The following SV2C variants were observed in gnomAD, a reference collection of about 807,000 sequenced individuals.
The protein encoded by SV2C is solute carrier family 22 member B3.
A neutral mutation model predicts 79.7 loss-of-function variants in SV2C; 49 were observed. That is an observed-to-expected ratio of 0.61 (90% CI 0.49 to 0.78). SV2C has a LOEUF of 0.78. Ranked by LOEUF, SV2C falls within the 30% of genes least tolerant of loss-of-function variation. The probability of loss-of-function intolerance (pLI) is 0.00; values close to 1 mark genes in which losing one functional copy is unlikely to be tolerated. For missense variants in SV2C, 833 were observed against 912.9 expected, an observed-to-expected ratio of 0.91 and a Z score of 1.13; for synonymous variants, 334 against 333.2, an observed-to-expected ratio of 1.00 and a Z score of -0.03.
chr5:76,165,343 C>T (rs972464138), intron 2 of SV2C, among the ~76,000 whole-genome samples: 1 of 151,960 alleles, frequency 6.6e-6, no homozygotes, highest in Non-Finnish European at 1.5e-5. Flanking sequence ...TTTTTTTTTA[C>T]ATCCACTGTT....
intron 10 of SV2C, among the ~76,000 whole-genome samples, chr5:76,299,555 C>A (rs781712142): frequency 6.6e-6 from 1 of 152,164 alleles, no homozygotes; most frequent in Admixed American, 6.5e-5. Context: ...AAAGCCTGTG[C>A]CTTCCACTTT....
intron 4 of SV2C, among the ~76,000 whole-genome samples, chr5:76,270,026 G>A (rs1746791389): frequency 6.6e-6 from 1 of 152,148 alleles, no homozygotes; most frequent in African/African-American, 2.4e-5. Flanking sequence ...TTAACTCTGG[G>A]TAGTTGCCTG....
chr5:76,285,661 A>G (rs1227701842), intron 5 of SV2C, 120 bp from the exon 6 acceptor site: 3 of 764,598 alleles, frequency 3.9e-6, no homozygotes, highest in Non-Finnish European at 6.6e-6. Flanking sequence ...AATGGGATGT[A>G]CTGAGATACA....
At chr5:76,153,071 G>T (rs1483147919) in intron 2 of SV2C, among the ~76,000 whole-genome samples, 2 of 152,168 alleles carry the variant, frequency 1.3e-5, no homozygotes, top group African/African-American at 4.8e-5. Context: ...AAAGGCCAGG[G>T]TACTGCCAAA....
chr5:76,012,781 A>G, the SV2C span, among the ~76,000 whole-genome samples: 3 of 152,302 alleles, frequency 2.0e-5, no homozygotes, highest in East Asian at 5.8e-4. Flanking sequence ...TAATTTTTGT[A>G]TAAGGTGTAA....
At chr5:76,080,375 A>G (rs112425788), upstream of SV2C, among the ~76,000 whole-genome samples, 2,425 of 152,256 alleles carry the variant, frequency 0.016, 71 homozygotes, top group African/African-American at 0.054. Flanking sequence ...ACTTGGTCCA[A>G]GAGTATGGGG....
At chr5:75,862,972 G>A in the SV2C span, among the ~76,000 whole-genome samples, 7 of 152,190 alleles carry the variant, frequency 4.6e-5, no homozygotes, top group African/African-American at 1.7e-4. Context: ...GTATTGGTGT[G>A]AACTCAGGCA....
chr5:75,847,681 G>A, the SV2C span, among the ~76,000 whole-genome samples: 1 of 152,172 alleles, frequency 6.6e-6, no homozygotes, highest in Non-Finnish European at 1.5e-5. Flanking sequence ...AGTTTGAGGT[G>A]GATGTAAGAT....
In SV2C at chr5:76,333,856, A is replaced by G. The variant is rs998210727; in HGVS notation, c.*8309A>G. 1.3e-5 allele frequency: 2 copies of G among 152,246 alleles called. No individual in the cohort carries two copies. Among genetic ancestry groups the G allele is most frequent in the African/African-American group, 2.4e-5 (1 of 41,470 alleles). 9.4% of individuals were successfully genotyped at this position (152,246 alleles called of 1,614,324 possible). On this transcript the variant is annotated 3_prime_UTR_variant, in exon 13 of 13. Transcript: ENST00000502798. ...AACTTGGAATTGTGTATACATTTATATGCCAGATAACTAACATTCATGTAA... is the reference window on the plus strand; with the variant it reads ...AACTTGGAATTGTGTATACATTTATGTGCCAGATAACTAACATTCATGTAA...
intron 2 of SV2C, among the ~76,000 whole-genome samples, chr5:76,186,611 G>A (rs963393111): frequency 1.3e-5 from 2 of 152,220 alleles, no homozygotes; most frequent in Non-Finnish European, 2.9e-5. Flanking sequence ...AGAATTGCTT[G>A]AATCCAGGAG....
chr5:76,149,678 C>A (rs1749541410), intron 2 of SV2C, among the ~76,000 whole-genome samples: 1 of 151,408 alleles, frequency 6.6e-6, no homozygotes, highest in Non-Finnish European at 1.5e-5. Flanking sequence ...TTTTTTTTTC[C>A]AAAAAGTAAA....
At chr5:75,956,268 T>C in the SV2C span, among the ~76,000 whole-genome samples, 20 of 146,034 alleles carry the variant, frequency 1.4e-4, no homozygotes, top group African/African-American at 5.0e-4. Context: ...AAATTGGAAA[T>C]CATCATTCTC....
At chr5:75,994,041 A>C in the SV2C span, among the ~76,000 whole-genome samples, 1 of 152,046 alleles carries the variant, frequency 6.6e-6, no homozygotes, top group Non-Finnish European at 1.5e-5. Context: ...GATAGTCTAC[A>C]ATGTTTTGAA....
chr5:75,902,297 A>C, the SV2C span, among the ~76,000 whole-genome samples: 5 of 152,162 alleles, frequency 3.3e-5, no homozygotes, highest in Admixed American at 2.0e-4. Context: ...CTTTCTTAAT[A>C]AGGTGGTAGA....
rs144138185 is a variant in SV2C at position 76,113,921 on chromosome 5, T to TAC, written c.-101-17711_-101-17710dup. On this transcript the variant is annotated intron_variant, in intron 1 of 12. Coordinates refer to ENST00000502798, the MANE Select transcript of SV2C (RefSeq NM_014979.4). ...ATTTGTACTTTCCTCCCCACAATCA[T>TAC]ACACACACACACACACACATATATA... 7.3e-3 allele frequency among the ~76,000 whole-genome samples: 1,094 copies of TAC among 150,500 alleles called. 7 individuals carry two copies. The highest frequency in any genetic ancestry group is 0.018 in the African/African-American group (735 of 41,116).
intron 9 of SV2C, chr5:76,296,195 G>A (rs1222877643): frequency 1.3e-5 from 3 of 234,248 alleles, no homozygotes; most frequent in Non-Finnish European, 2.5e-5. Context: ...CTTGACTGGT[G>A]TGGAAGGAAA....
chr5:75,919,718 T>C, the SV2C span, among the ~76,000 whole-genome samples: 1 of 152,266 alleles, frequency 6.6e-6, no homozygotes, highest in African/African-American at 2.4e-5. Context: ...GCTTTGTTGA[T>C]GTTCTTTCTT....
chr5:76,171,840 T>G (rs1409717321), intron 2 of SV2C, among the ~76,000 whole-genome samples: 1 of 56,206 alleles, frequency 1.8e-5, no homozygotes, highest in African/African-American at 6.3e-5. Context: ...TACTGGGAAG[T>G]GAGGAGCCCC....
At chr5:75,885,704 C>T in the SV2C span, among the ~76,000 whole-genome samples, 1 of 152,114 alleles carries the variant, frequency 6.6e-6, no homozygotes, top group Non-Finnish European at 1.5e-5. Flanking sequence ...GTTGTGCCAC[C>T]ATGTCAGCTA....
Sources: gnomAD v4.1 joint callset for allele counts (sites outside exome capture counted in the v4.1 genomes callset) on GRCh38, gnomAD v4.1.1 for gene constraint, MANE v1.5 for transcripts, NCBI Gene and HGNC (gene_info 2026-07-23, HGNC 2026-07-21) for gene names.